ELFN1: variants seen among roughly 807,000 people sequenced by gnomAD.
ELFN1 encodes the protein protein ELFN1.
ELFN1 carries 6 observed loss-of-function variants against 7.6 expected under a neutral mutation model. The observed-to-expected ratio is 0.79, with a 90% CI of 0.43 to 1.56. ELFN1 has a LOEUF of 1.56. Among genes scored for constraint, ELFN1 ranks in the 40% most tolerant of loss-of-function variants. ELFN1 has a pLI of 0.01. For synonymous variants in ELFN1, 657 were observed against 588.1 expected, an observed-to-expected ratio of 1.12 and a Z score of -1.70; for missense variants, 1,169 against 1,232.2, an observed-to-expected ratio of 0.95 and a Z score of 0.77.
chr7:1,725,718 C>T (rs1374330848), intron 3 of ELFN1, among the ~76,000 whole-genome samples: 8 of 152,132 alleles, frequency 5.3e-5, no homozygotes, highest in South Asian at 2.1e-4. Context: ...TGTGTGTGCA[C>T]GTCGGGAAAG....
intron 2 of ELFN1, chr7:1,693,837 C>T (rs756413093): frequency 2.5e-4 from 117 of 463,172 alleles, no homozygotes; most frequent in Non-Finnish European, 5.0e-4. Flanking sequence ...CTGGGCCAAT[C>T]GGGGTTCCTG....
chr7:1,666,312 G>C (rs1177678213), upstream of ELFN1, among the ~76,000 whole-genome samples: 1 of 151,800 alleles, frequency 6.6e-6, no homozygotes, highest in Non-Finnish European at 1.5e-5. The surrounding 1 kb of genome is among the most constrained non-coding windows in gnomAD (Gnocchi z 7.9). Flanking sequence ...GCAGCGCAGG[G>C]TCCCCAGCGG....
intron 3 of ELFN1, among the ~76,000 whole-genome samples, chr7:1,727,996 A>G (rs1780242213): frequency 6.6e-6 from 1 of 152,072 alleles, no homozygotes. Context: ...GAGCGGTTTG[A>G]GAGAGGCCGA....
intron 1 of ELFN1, among the ~76,000 whole-genome samples, chr7:1,678,956 T>C (rs1400716939): frequency 6.6e-6 from 1 of 151,456 alleles, no homozygotes; most frequent in African/African-American, 2.4e-5. Context: ...CTCCCAGGAG[T>C]GCTCACCCCG....
chr7:1,669,145 A>T (rs1173198864), upstream of ELFN1, among the ~76,000 whole-genome samples: 1 of 152,246 alleles, frequency 6.6e-6, no homozygotes, highest in Non-Finnish European at 1.5e-5. Flanking sequence ...CGGTCCATAC[A>T]GGACTGAACG....
At chr7:1,734,290 G>A (rs939314912) in intron 3 of ELFN1, among the ~76,000 whole-genome samples, 3 of 152,062 alleles carry the variant, frequency 2.0e-5, no homozygotes, top group Admixed American at 6.5e-5. Context: ...CCAGCTACCC[G>A]CACCCCACAT....
chr7:1,715,278 G>A (rs1779794765), intron 3 of ELFN1, among the ~76,000 whole-genome samples: 1 of 152,182 alleles, frequency 6.6e-6, no homozygotes, highest in Non-Finnish European at 1.5e-5. Context: ...TATTCACAAG[G>A]CTGCATGCTG....
At chr7:1,676,856 GA>G (rs1201594376) in intron 1 of ELFN1, among the ~76,000 whole-genome samples, 3 of 152,204 alleles carry the variant, frequency 2.0e-5, no homozygotes, top group Non-Finnish European at 4.4e-5. Context: ...TTGGTACTCG[GA>G]TTGCTTCGGG....
chr7:1,668,496 G>T (rs548749223), upstream of ELFN1, among the ~76,000 whole-genome samples: 10 of 152,352 alleles, frequency 6.6e-5, no homozygotes, highest in African/African-American at 2.4e-4. Context: ...ATAGGCTGGG[G>T]CCCGGAGCCC....
At chr7:1,679,178 C>T (rs559878552) in intron 1 of ELFN1, among the ~76,000 whole-genome samples, 41 of 137,118 alleles carry the variant, frequency 3.0e-4, no homozygotes, top group African/African-American at 1.4e-3. Flanking sequence ...CACGTACGCG[C>T]GCACACACAC....
At chr7:1,696,396 T>C (rs572781715) in intron 2 of ELFN1, among the ~76,000 whole-genome samples, 173 of 149,724 alleles carry the variant, frequency 1.2e-3, no homozygotes, top group Admixed American at 3.2e-3. Context: ...TTCTTTCTTT[T>C]TTTTTTTTTT....
intron 1 of ELFN1, among the ~76,000 whole-genome samples, chr7:1,679,541 C>T (rs538088014): frequency 4.5e-4 from 69 of 152,264 alleles, no homozygotes; most frequent in African/African-American, 1.5e-3. Context: ...GAAACTGAGG[C>T]CCAGGCTGCT....
chr7:1,712,052 G>T (rs956636630), intron 3 of ELFN1, among the ~76,000 whole-genome samples: 4 of 152,254 alleles, frequency 2.6e-5, no homozygotes, highest in African/African-American at 9.6e-5. Context: ...ATGGGACAGT[G>T]GTTGGGAGGC....
chr7:1,715,353 G>A (rs868263053), intron 3 of ELFN1, among the ~76,000 whole-genome samples: 11 of 152,144 alleles, frequency 7.2e-5, no homozygotes, highest in African/African-American at 1.7e-4. Context: ...CCCTGCTTCC[G>A]CCTCCACCCC....
chr7:1,744,768 A>T lies in ELFN1; in HGVS notation c.172A>T (p.Ile58Phe). 1 of 1,554,988 alleles carries T rather than the reference A, an allele frequency of 6.4e-7. No homozygotes were observed. The change falls in exon 4 of 4, where the codon ATC becomes TTC. Residue 58 changes from isoleucine (I) to phenylalanine (F), a missense_variant. Physicochemically the swap from Ile to Phe is conservative, Grantham distance 21. Around this residue, in one of 2 missense-constraint regions of ELFN1, gnomAD observed 255 missense variants for 359.6 expected, o/e 0.71. Transcript: ENST00000424383. Reference protein sequence around the residue: ...QPPYEAIPQQINSTIVDLRLN... With the variant: ...QPPYEAIPQQFNSTIVDLRLN... ...CCCCTACGAGGCCATCCCACAGCAG[A>T]TCAACAGCACCATCGTGGACCTGCG...
At chr7:1,717,695 G>T (rs1779876714) in intron 3 of ELFN1, among the ~76,000 whole-genome samples, 1 of 152,180 alleles carries the variant, frequency 6.6e-6, no homozygotes, top group South Asian at 2.1e-4. Context: ...ACTTAGAGGG[G>T]CACAGGGTGC....
intron 1 of ELFN1, among the ~76,000 whole-genome samples, chr7:1,675,716 A>G (rs1185231930): frequency 6.6e-6 from 1 of 152,208 alleles, no homozygotes; most frequent in Non-Finnish European, 1.5e-5. Flanking sequence ...AGGGCTTTGC[A>G]GAGCACACAG....
At chr7:1,691,595 C>G (rs1470534213) in intron 2 of ELFN1, among the ~76,000 whole-genome samples, 1 of 152,184 alleles carries the variant, frequency 6.6e-6, no homozygotes, top group African/African-American at 2.4e-5. Flanking sequence ...CTTCAGGGAT[C>G]CAGGCCCGAC....
In ELFN1 at chr7:1,695,405, T is replaced by A. The variant is rs760675469; in HGVS notation, c.-456+7255T>A. Among the ~76,000 whole-genome samples the A allele has an allele frequency of 6.6e-6, 1 of 152,088 alleles. No homozygotes were observed. Among genetic ancestry groups the A allele is most frequent in the Non-Finnish European group, 1.5e-5 (1 of 68,000 alleles). On this transcript the variant is annotated intron_variant, in intron 2 of 3. Coordinates refer to ENST00000424383, the MANE Select transcript of ELFN1 (RefSeq NM_001128636.4). The surrounding 1 kb of genome is among the most constrained non-coding windows in gnomAD (Gnocchi z 5.1). Reference sequence around the variant, plus strand: ...TGGCACAAGCCTGGGCGAGTCTCGCTGGGAGGCAGGAGCAGACTCAGCCCG... The same window carrying A: ...TGGCACAAGCCTGGGCGAGTCTCGCAGGGAGGCAGGAGCAGACTCAGCCCG...
Sources: gnomAD v4.1 joint callset for allele counts (sites outside exome capture counted in the v4.1 genomes callset) on GRCh38, gnomAD v4.1.1 for gene constraint, gnomAD v4.1.1 regional missense constraint, Gnocchi (gnomAD v3.1) non-coding constraint, MANE v1.5 for transcripts, NCBI Gene and HGNC (gene_info 2026-07-23, HGNC 2026-07-21) for gene names.